Variants in HYAL4 observed in about 807,000 individuals in gnomAD.
HYAL4 encodes the protein hyaluronidase 4.
A neutral mutation model predicts 35.2 loss-of-function variants in HYAL4; 37 were observed. The ratio of observed to expected loss-of-function variants is 1.05; its 90% CI spans 0.81 to 1.38. The LOEUF (loss-of-function observed/expected upper bound fraction) is 1.38, where lower values mean the gene tolerates loss of function less well. Among genes scored for constraint, HYAL4 ranks in the 40% most tolerant of loss-of-function variants. HYAL4 has a pLI of 0.00. For missense variants in HYAL4, 572 were observed against 572.4 expected (o/e 1.00, Z 0.01); for synonymous variants, 198 against 203.2 (o/e 0.97, Z 0.22).
rs748536372 is a variant in HYAL4 at position 123,868,951 on chromosome 7, T to A, written c.678T>A (p.Tyr226Ter). The A allele has an allele frequency of 6.2e-7, 1 of 1,614,024 alleles. No individual in the cohort carries two copies. The highest frequency in any genetic ancestry group is 1.7e-5 in the Admixed American group (1 of 59,966). Residue 226 changes from tyrosine to a stop codon, truncating the protein, a stop_gained, in exon 3 of 5, where the codon TAT becomes TAA. Transcript: ENST00000223026. LOFTEE classifies it high-confidence loss of function. ...GYYLYPDCHNYNVYAPNYSGS... is the reference protein window; with the variant it reads ...GYYLYPDCHN ...ATTTATATCCTGATTGCCACAATTATAACGTTTATGCCCCAAACTACTCTG... is the reference window on the plus strand; with the variant it reads ...ATTTATATCCTGATTGCCACAATTAAAACGTTTATGCCCCAAACTACTCTG...
chr7:123,852,707 C>T (rs1281295869), intron 2 of HYAL4, among the ~76,000 whole-genome samples: 3 of 152,074 alleles, frequency 2.0e-5, no homozygotes, highest in Non-Finnish European at 4.4e-5. Flanking sequence ...TTAGGATTGT[C>T]TTGGCTATAC....
chr7:123,864,123 A>G (rs748505732), intron 2 of HYAL4, among the ~76,000 whole-genome samples: 16 of 152,216 alleles, frequency 1.1e-4, no homozygotes, highest in Non-Finnish European at 1.6e-4. Context: ...TAAGAAGATT[A>G]GAACTATGAA....
chr7:123,840,163 A>G (rs7784599), upstream of HYAL4, among the ~76,000 whole-genome samples: 141 of 152,214 alleles, frequency 9.3e-4, no homozygotes, highest in African/African-American at 3.3e-3. Flanking sequence ...TAATTTTTGT[A>G]TAAGGTATAA....
the HYAL4 span, among the ~76,000 whole-genome samples, chr7:123,802,861 T>A: frequency 6.6e-6 from 1 of 152,254 alleles, no homozygotes; most frequent in African/African-American, 2.4e-5. Flanking sequence ...TGTATACTAC[T>A]ATATTACACT....
chr7:123,857,543 C>T (rs1167531919), intron 2 of HYAL4, among the ~76,000 whole-genome samples: 1 of 151,980 alleles, frequency 6.6e-6, no homozygotes, highest in Non-Finnish European at 1.5e-5. Flanking sequence ...TGAGATGAGC[C>T]AGGTACTTCA....
the HYAL4 span, among the ~76,000 whole-genome samples, chr7:123,803,883 C>G: frequency 9.2e-5 from 14 of 152,290 alleles, no homozygotes; most frequent in Admixed American, 9.2e-4. Context: ...GCTTATGTTT[C>G]AAGCCTTAAA....
chr7:123,808,816 C>G, the HYAL4 span, among the ~76,000 whole-genome samples: 1 of 152,082 alleles, frequency 6.6e-6, no homozygotes, highest in Non-Finnish European at 1.5e-5. Context: ...AGGGCCTGCT[C>G]CTTAGTTGGA....
the HYAL4 span, among the ~76,000 whole-genome samples, chr7:123,789,746 T>C: frequency 5.6e-4 from 85 of 152,274 alleles, no homozygotes; most frequent in African/African-American, 2.0e-3. Context: ...ATAGAACCAA[T>C]AGGACGTATA....
Position 123,877,007 on chromosome 7 carries a change from T to A in HYAL4, c.1298T>A (p.Phe433Tyr), listed in dbSNP as rs1412923682. ...DTDLAVMADT[F>Y]SCHCYQGYEG... ...GACCTGGCAGTGATGGCAGATACAT[T>A]TTCCTGTCATTGTTATCAGGGATAT... Residue 433 changes from phenylalanine (F) to tyrosine (Y), a missense_variant, in exon 5 of 5, where the codon TTT (phenylalanine) becomes TAT (tyrosine). Coordinates refer to ENST00000223026, the MANE Select transcript of HYAL4 (RefSeq NM_012269.3). The A allele has an allele frequency of 6.2e-7, 1 of 1,614,178 alleles. No homozygotes were observed. The highest frequency in any genetic ancestry group is 1.7e-5 in the Admixed American group (1 of 60,026).
the HYAL4 span, chr7:123,814,515 CAGA>C: frequency 6.6e-6 from 1 of 152,508 alleles, no homozygotes; most frequent in Non-Finnish European, 1.5e-5. Flanking sequence ...TGGTGGAGAT[CAGA>C]AGAACTTGTT....
the HYAL4 span, among the ~76,000 whole-genome samples, chr7:123,779,324 A>G: frequency 6.6e-6 from 1 of 152,168 alleles, no homozygotes; most frequent in African/African-American, 2.4e-5. Flanking sequence ...TGCTGATATG[A>G]GTGCTACAAC....
chr7:123,817,501 ATTC>A, the HYAL4 span, among the ~76,000 whole-genome samples: 65 of 137,966 alleles, frequency 4.7e-4, no homozygotes, highest in African/African-American at 1.6e-3. Flanking sequence ...CCTCCAATGC[ATTC>A]TTCTTCTTTT....
intron 2 of HYAL4, among the ~76,000 whole-genome samples, chr7:123,865,983 C>T (rs1208139476): frequency 6.6e-6 from 1 of 152,110 alleles, no homozygotes; most frequent in African/African-American, 2.4e-5. Flanking sequence ...TTTATAAAAC[C>T]ATCAGATGGC....
intron 2 of HYAL4, among the ~76,000 whole-genome samples, chr7:123,866,590 C>T (rs980802338): frequency 6.6e-6 from 1 of 152,158 alleles, no homozygotes; most frequent in Non-Finnish European, 1.5e-5. Flanking sequence ...AGGCATCAGG[C>T]ATAACCACAA....
intron 2 of HYAL4, among the ~76,000 whole-genome samples, chr7:123,856,789 A>G (rs1806446986): frequency 6.6e-6 from 1 of 151,978 alleles, no homozygotes; most frequent in African/African-American, 2.4e-5. Context: ...GCCCACAGCC[A>G]CCCCTTCCCC....
intron 2 of HYAL4, among the ~76,000 whole-genome samples, chr7:123,864,342 CCTTA>C (rs1806641547): frequency 6.6e-6 from 1 of 152,108 alleles, no homozygotes; most frequent in African/African-American, 2.4e-5. Flanking sequence ...CCAGAACAGA[CCTTA>C]CTTCTAAGGA....
the HYAL4 span, among the ~76,000 whole-genome samples, chr7:123,817,748 G>A: frequency 6.6e-6 from 1 of 151,340 alleles, no homozygotes; most frequent in African/African-American, 2.4e-5. Context: ...GACCTCAGGT[G>A]ATCCACCCGC....
At chr7:123,804,107 C>A in the HYAL4 span, among the ~76,000 whole-genome samples, 2 of 152,184 alleles carry the variant, frequency 1.3e-5, no homozygotes, top group African/African-American at 2.4e-5. Flanking sequence ...GTAGCTTTCT[C>A]CCCTCTCTAA....
chr7:123,803,350 A>G, the HYAL4 span, among the ~76,000 whole-genome samples: 2 of 152,352 alleles, frequency 1.3e-5, no homozygotes, highest in Admixed American at 1.3e-4. Context: ...GTAAAAAAGA[A>G]TGCCGCCTTC....
Sources: gnomAD v4.1 joint callset for allele counts (sites outside exome capture counted in the v4.1 genomes callset) on GRCh38, gnomAD v4.1.1 for gene constraint, MANE v1.5 for transcripts, NCBI Gene and HGNC (gene_info 2026-07-23, HGNC 2026-07-21) for gene names.